MYT1L: variants seen among roughly 807,000 people sequenced by gnomAD.
MYT1L encodes the protein myelin transcription factor 1 like.
Under a neutral mutation model 126.7 loss-of-function variants are expected in MYT1L, and 12 were observed. The observed-to-expected ratio is 0.09, with a 90% CI of 0.06 to 0.15. The LOEUF (loss-of-function observed/expected upper bound fraction) is 0.15. Ranked by LOEUF, MYT1L falls within the 10% of genes least tolerant of loss-of-function variation. MYT1L has a pLI of 1.00. For synonymous variants in MYT1L, 541 were observed against 604.2 expected (o/e 0.90, Z 1.53); for missense variants, 979 against 1,585.2 (o/e 0.62, Z 6.49).
At chr2:2,205,989 T>TTTTCTTTTCTTTC (rs1559334824) in intron 2 of MYT1L, among the ~76,000 whole-genome samples, 1,232 of 97,934 alleles carry the variant, frequency 0.013, 18 homozygotes, top group African/African-American at 0.038. Flanking sequence ...CTTTTCTTTC[T>TTTTCTTTTCTTTC]TTTTTTTTTT....
Position 1,979,628 on chromosome 2 carries a change from A to G in MYT1L, c.56-74T>C. The G allele has an allele frequency of 6.2e-7, 1 of 1,601,640 alleles. No individual in the cohort carries two copies. The highest frequency in any genetic ancestry group is 8.6e-7 in the Non-Finnish European group (1 of 1,168,808). On this transcript the variant is annotated intron_variant, in intron 6 of 24. Coordinates refer to ENST00000647738, the MANE Select transcript of MYT1L (RefSeq NM_001303052.2). This position sits in a 1 kb window ranked among gnomAD's most constrained non-coding sequence, Gnocchi z 4.0. Reference sequence around the variant, plus strand: ...CCCTCTTCCACAGAAAATTACCAAAAGGGTGGCATGAAAGTGGGGTCAGAA... The same window carrying G: ...CCCTCTTCCACAGAAAATTACCAAAGGGGTGGCATGAAAGTGGGGTCAGAA...
chr2:1,956,570 CCTATT>C, intron 8 of MYT1L, among the ~76,000 whole-genome samples: 1 of 110,566 alleles, frequency 9.0e-6, no homozygotes, highest in Non-Finnish European at 1.9e-5. Context: ...TTCTATATTT[CCTATT>C]CTATCTATCT....
chr2:2,204,074 G>C (rs9677822), intron 2 of MYT1L, among the ~76,000 whole-genome samples: 26,415 of 152,126 alleles, frequency 0.17, 2,470 homozygotes, highest in African/African-American at 0.26. Context: ...AAAGCTGAAA[G>C]TGGATCGCTT....
chr2:1,825,977 G>A (rs2039268522), intron 21 of MYT1L: 1 of 152,334 alleles, frequency 6.6e-6, no homozygotes, highest in East Asian at 1.9e-4. Flanking sequence ...GCCACCGGCT[G>A]TGTGGCCAGG....
At chr2:2,235,100 T>C (rs906344217) in intron 2 of MYT1L, among the ~76,000 whole-genome samples, 4 of 152,246 alleles carry the variant, frequency 2.6e-5, no homozygotes, top group African/African-American at 7.2e-5. Flanking sequence ...AGATTTGTTG[T>C]GGCAACCACA....
chr2:1,816,773 G>C (rs2037719888), intron 21 of MYT1L: 1 of 152,752 alleles, frequency 6.5e-6, no homozygotes, highest in Non-Finnish European at 1.5e-5. Context: ...TGGCCCCCCA[G>C]GGGGTGGCCC....
At chr2:2,207,655 G>T (rs1028519716) in intron 2 of MYT1L, among the ~76,000 whole-genome samples, 2 of 152,154 alleles carry the variant, frequency 1.3e-5, no homozygotes, top group Admixed American at 6.5e-5. Flanking sequence ...AATTATTCTA[G>T]AGGCCCTACA....
intron 3 of MYT1L, among the ~76,000 whole-genome samples, chr2:2,150,920 G>GGAGC (rs1320167414): frequency 6.6e-6 from 1 of 151,194 alleles, no homozygotes; most frequent in Non-Finnish European, 1.5e-5. Flanking sequence ...GGAGACGGAG[G>GGAGC]GAGGGAGGGA....
intron 18 of MYT1L, among the ~76,000 whole-genome samples, chr2:1,880,872 A>G (rs567931192): frequency 6.6e-5 from 10 of 152,336 alleles, no homozygotes; most frequent in African/African-American, 1.9e-4. Flanking sequence ...GTTTTTACTC[A>G]GTGAATTTTA....
chr2:1,892,392 G>C, intron 14 of MYT1L, 105 bp from the exon 15 acceptor site: 1 of 1,444,836 alleles, frequency 6.9e-7, no homozygotes, highest in Non-Finnish European at 9.2e-7. Context: ...ACACAGCCGC[G>C]TGGGACGGCC....
chr2:2,017,024 A>T (rs138939206), intron 4 of MYT1L, among the ~76,000 whole-genome samples: 1 of 152,376 alleles, frequency 6.6e-6, no homozygotes, highest in African/African-American at 2.4e-5. Flanking sequence ...GCCTATCGAC[A>T]GCTGTGCTGC....
At chr2:2,291,202 A>T (rs1448889469) in intron 1 of MYT1L, among the ~76,000 whole-genome samples, 1 of 152,216 alleles carries the variant, frequency 6.6e-6, no homozygotes, top group Admixed American at 6.5e-5. Flanking sequence ...AAAAATCAGG[A>T]AAAAAGGGTT....
At chr2:2,122,533 G>A (rs917680792) in intron 3 of MYT1L, among the ~76,000 whole-genome samples, 23 of 152,100 alleles carry the variant, frequency 1.5e-4, no homozygotes, top group African/African-American at 4.8e-4. Flanking sequence ...TGTGTAACAC[G>A]CTATCATATA....
At chr2:2,239,256 C>T (rs2094390580) in intron 2 of MYT1L, among the ~76,000 whole-genome samples, 1 of 152,180 alleles carries the variant, frequency 6.6e-6, no homozygotes, top group African/African-American at 2.4e-5. Flanking sequence ...TGCATATGTG[C>T]ACATGCACAG....
At chr2:2,300,438 A>G in intron 1 of MYT1L, among the ~76,000 whole-genome samples, 1 of 152,230 alleles carries the variant, frequency 6.6e-6, no homozygotes, top group East Asian at 1.9e-4. Context: ...ATTGTTCACA[A>G]ACTGATCCTA....
chr2:2,255,219 C>G (rs1258575035), intron 2 of MYT1L, among the ~76,000 whole-genome samples: 1 of 152,130 alleles, frequency 6.6e-6, no homozygotes, highest in African/African-American at 2.4e-5. Context: ...CCTGCAGCTC[C>G]CCGTCCTGAC....
At chr2:1,825,096 CCT>C (rs2039115785) in intron 21 of MYT1L, 2 of 152,240 alleles carry the variant, frequency 1.3e-5, no homozygotes. Flanking sequence ...CTCCCTTTCC[CCT>C]GAGAGCAACA....
At chr2:2,159,488 G>C (rs1265327952) in intron 3 of MYT1L, among the ~76,000 whole-genome samples, 1 of 151,780 alleles carries the variant, frequency 6.6e-6, no homozygotes, top group Non-Finnish European at 1.5e-5. Context: ...GATCTCGCCT[G>C]GCTTTCCTGC....
rs2095612156 is a variant in MYT1L at position 2,292,348 on chromosome 2, A to G, written c.-520-7845T>C. Reference sequence around the variant, plus strand: ...TTCTATTCCCAAACGTTACATGAAAACAAACCTGAAATTGGAGAAAAAGTC... The same window carrying G: ...TTCTATTCCCAAACGTTACATGAAAGCAAACCTGAAATTGGAGAAAAAGTC... On this transcript the variant is annotated intron_variant, in intron 1 of 24. Coordinates refer to ENST00000647738, the MANE Select transcript of MYT1L (RefSeq NM_001303052.2). Among the ~76,000 whole-genome samples, 7 of 152,212 alleles carry G rather than the reference A, an allele frequency of 4.6e-5. No homozygotes were observed. In the South Asian group the frequency reaches 1.4e-3, roughly 32 times the overall value.
Sources: gnomAD v4.1 joint callset for allele counts (sites outside exome capture counted in the v4.1 genomes callset) on GRCh38, gnomAD v4.1.1 for gene constraint, Gnocchi (gnomAD v3.1) non-coding constraint, MANE v1.5 for transcripts, NCBI Gene and HGNC (gene_info 2026-07-23, HGNC 2026-07-21) for gene names.